DLG3: variants seen among roughly 807,000 people sequenced by gnomAD.
The protein encoded by DLG3 is disks large homolog 3.
In DLG3, 1 loss-of-function variant was observed where a neutral mutation model predicts 64.1. The observed-to-expected ratio is 0.02, with a 90% CI of 0.01 to 0.07. The LOEUF (loss-of-function observed/expected upper bound fraction) is 0.07, where lower values mean the gene tolerates loss of function less well. DLG3 is among the 10% of genes least tolerant of loss of function. DLG3 has a pLI of 1.00. For synonymous variants in DLG3, 245 were observed against 259.8 expected (o/e 0.94, Z 0.55); for missense variants, 429 against 669.5 (o/e 0.64, Z 3.96).
chrX:70,460,282 CAAA>C (rs1221573255), intron 9 of DLG3, among the ~76,000 whole-genome samples: 3 of 38,438 alleles, frequency 7.8e-5, no homozygotes, highest in Non-Finnish European at 5.8e-5. Flanking sequence ...GACTCTGTCT[CAAA>C]AAAAAAAAAA....
chrX:70,492,352 T>C, intron 11 of DLG3, 69 bp downstream of exon 11: 1 of 1,178,392 alleles, frequency 8.5e-7, no homozygotes, highest in South Asian at 1.8e-5. Flanking sequence ...TGTTTTCCTA[T>C]TAGAAGTTGC....
intron 10 of DLG3, among the ~76,000 whole-genome samples, chrX:70,488,357 T>C (rs758709189): frequency 8.9e-6 from 1 of 111,997 alleles, no homozygotes; most frequent in East Asian, 2.8e-4. Context: ...GACTTAGGCC[T>C]TATGAAATTT....
chrX:70,483,051 TAGG>T (rs1226478404), intron 10 of DLG3, among the ~76,000 whole-genome samples: 1 of 110,608 alleles, frequency 9.0e-6, no homozygotes, highest in Non-Finnish European at 1.9e-5. Context: ...GAGGCCAAGA[TAGG>T]AGGATTGCTT....
rs1204840166 is a variant in DLG3, at chrX:70,445,577, G to C, written c.357+19G>C. Reference sequence around the variant, plus strand: ...TGAGCAGGTATGGACCAGCGGAGGGGGGAGCGGTGGGGCAACCCAGGAGGG... The same window carrying C: ...TGAGCAGGTATGGACCAGCGGAGGGCGGAGCGGTGGGGCAACCCAGGAGGG... On this transcript the variant is annotated intron_variant, in intron 1 of 18. Coordinates refer to ENST00000374360, the MANE Select transcript of DLG3 (RefSeq NM_021120.4). 1.7e-6 allele frequency: 2 copies of C among 1,160,157 alleles called. No individual in the cohort carries two copies. Among genetic ancestry groups the C allele is most frequent in the Non-Finnish European group, 1.2e-6 (1 of 865,069 alleles).
intron 7 of DLG3, chrX:70,452,873 G>A: frequency 2.7e-6 from 2 of 753,798 alleles, no homozygotes. Context: ...TCCGAGGAAA[G>A]ATGCTTGTAA....
chrX:70,472,971 A>G (rs1290681259), intron 9 of DLG3, among the ~76,000 whole-genome samples: 1 of 110,266 alleles, frequency 9.1e-6, no homozygotes, highest in Non-Finnish European at 1.9e-5. Flanking sequence ...AGCTTGGCCA[A>G]CATGGTGAAA....
At chrX:70,446,178 G>A (rs977772018) in intron 1 of DLG3, among the ~76,000 whole-genome samples, 1 of 111,158 alleles carries the variant, frequency 9.0e-6, no homozygotes, top group African/African-American at 3.3e-5. Context: ...CTGCAGGGAT[G>A]GCTGTGTTTG....
At chrX:70,467,790 G>C (rs1477057837) in intron 9 of DLG3, among the ~76,000 whole-genome samples, 2 of 111,964 alleles carry the variant, frequency 1.8e-5, no homozygotes, top group Non-Finnish European at 3.8e-5. Context: ...TTATTCTCAT[G>C]TTTTTTGGAT....
chrX:70,451,021 G>A, intron 6 of DLG3: 1 of 433,298 alleles, frequency 2.3e-6, no homozygotes, highest in South Asian at 3.5e-5. Flanking sequence ...TTTCTATGGA[G>A]AGTGAATTTT....
intron 10 of DLG3, among the ~76,000 whole-genome samples, chrX:70,490,964 G>A (rs1482195866): frequency 1.8e-5 from 2 of 109,387 alleles, no homozygotes; most frequent in East Asian, 5.7e-4. Flanking sequence ...TTAGGCTGGG[G>A]TGCAGTGTCG....
chrX:70,455,256 G>A, intron 9 of DLG3: 2 of 754,554 alleles, frequency 2.7e-6, no homozygotes, highest in Non-Finnish European at 3.1e-6. Flanking sequence ...ACTCCGACCC[G>A]GCGCCAGGTG....
chrX:70,466,441 C>CTT (rs373867454), intron 9 of DLG3, among the ~76,000 whole-genome samples: 1 of 96,265 alleles, frequency 1.0e-5, no homozygotes. Context: ...AGTTTGCTTT[C>CTT]TTTTTTTTTT....
intron 9 of DLG3, among the ~76,000 whole-genome samples, chrX:70,466,397 G>A (rs1400846898): frequency 9.5e-6 from 1 of 105,726 alleles, no homozygotes; most frequent in Non-Finnish European, 1.9e-5. Flanking sequence ...TTAATTCTTT[G>A]TCATATATAT....
At chrX:70,448,801 G>GTGCAA (rs2086590929) in intron 1 of DLG3, 112 bp from the exon 2 acceptor site, 7 of 1,015,968 alleles carry the variant, frequency 6.9e-6, no homozygotes, top group Non-Finnish European at 9.6e-6. Flanking sequence ...GTGACCTGGG[G>GTGCAA]TGCACTTGGG....
rs2087468995 is a variant in DLG3, at chrX:70,497,073, T to C, written c.1820-1447T>C. ...TGTGGCAGGCCTCTGGTGGCCTGACTCAGTTGGCAGCTCAGTGTCTCGCTC... is the reference window on the plus strand; with the variant it reads ...TGTGGCAGGCCTCTGGTGGCCTGACCCAGTTGGCAGCTCAGTGTCTCGCTC... On this transcript the variant is annotated intron_variant, in intron 13 of 18. Coordinates refer to ENST00000374360, the MANE Select transcript of DLG3 (RefSeq NM_021120.4). 4.9e-6 allele frequency: 4 copies of C among 821,011 alleles called. No homozygotes were observed. In the South Asian group the frequency reaches 6.3e-5, roughly 13 times the overall value. The allele number at this position is 821,011 out of a possible 1,213,427, so 67.7% of individuals were successfully genotyped here.
At chrX:70,459,541 G>C (rs777123379) in intron 9 of DLG3, among the ~76,000 whole-genome samples, 10 of 112,303 alleles carry the variant, frequency 8.9e-5, no homozygotes, top group Non-Finnish European at 1.7e-4. Context: ...CATCCTAAAA[G>C]AAGGCAAGGT....
At position 70,449,845 on chromosome X, in the gene DLG3, T is replaced by C. The variant is rs1485517710; in HGVS notation, c.689T>C (p.Leu230Pro). 1 of 1,184,041 alleles carries C rather than the reference T, an allele frequency of 8.4e-7. No homozygotes were observed. Among genetic ancestry groups the C allele is most frequent in the Non-Finnish European group, 1.1e-6 (1 of 882,405 alleles). ...PPETIMEVNLLKGPKGLGFSI... is the reference protein window; with the variant it reads ...PPETIMEVNLPKGPKGLGFSI... Reference sequence around the variant, plus strand: ...GAGACCATCATGGAGGTCAACCTGCTCAAAGGGCCCAAAGGTGCGGCCCTC... The same window carrying C: ...GAGACCATCATGGAGGTCAACCTGCCCAAAGGGCCCAAAGGTGCGGCCCTC... Residue 230 changes from leucine to proline, a missense_variant, in exon 4 of 19, where the codon CTC becomes CCC. Leu to Pro is a moderately conservative substitution (Grantham distance 98). Around this residue, in one of 9 missense-constraint regions of DLG3, gnomAD observed 73 missense variants for 158.5 expected, o/e 0.46. Transcript: ENST00000374360.
intron 9 of DLG3, among the ~76,000 whole-genome samples, chrX:70,476,209 C>G (rs1402954654): frequency 8.9e-6 from 1 of 112,105 alleles, no homozygotes; most frequent in Non-Finnish European, 1.9e-5. Context: ...GACTGGATAT[C>G]TTTGTGGGTC....
At chrX:70,452,429 G>T (rs1034540153) in intron 7 of DLG3, 45 of 952,641 alleles carry the variant, frequency 4.7e-5, no homozygotes, top group Non-Finnish European at 5.8e-5. Context: ...ACTCTGACCG[G>T]CCCGGTGGCC....
Sources: allele counts gnomAD v4.1 joint callset (sites outside exome capture counted in the v4.1 genomes callset), GRCh38; gene constraint gnomAD v4.1.1; regional missense constraint gnomAD v4.1.1; transcripts MANE v1.5; gene names NCBI Gene and HGNC (gene_info 2026-07-23, HGNC 2026-07-21).